MCF2: variants seen among roughly 807,000 people sequenced by gnomAD.
MCF2 encodes proto-oncogene DBL.
A neutral mutation model predicts 82.5 loss-of-function variants in MCF2; 44 were observed. That is an observed-to-expected ratio of 0.53 (90% CI 0.42 to 0.69). The LOEUF (loss-of-function observed/expected upper bound fraction) is 0.69, where lower values mean the gene tolerates loss of function less well. Ranked by LOEUF, MCF2 falls within the 30% of genes least tolerant of loss-of-function variation. The pLI is 0.00. For missense variants in MCF2, 623 were observed against 663.1 expected (o/e 0.94, Z 0.66); for synonymous variants, 217 against 224.9 (o/e 0.96, Z 0.32).
intron 22 of MCF2, among the ~76,000 whole-genome samples, chrX:139,587,429 T>A (rs1278475431): frequency 9.0e-6 from 1 of 111,565 alleles, no homozygotes; most frequent in African/African-American, 3.3e-5. Flanking sequence ...AAAAAGCTTA[T>A]GAGCACAGCC....
intron 1 of MCF2, among the ~76,000 whole-genome samples, chrX:139,665,364 C>G (rs772361129): frequency 3.6e-5 from 4 of 111,955 alleles, no homozygotes; most frequent in African/African-American, 1.3e-4. Flanking sequence ...GGGTTATTCC[C>G]CTCTGGCTGA....
At chrX:139,609,390 GT>G (rs1163840048) in intron 11 of MCF2, among the ~76,000 whole-genome samples, 1 of 111,124 alleles carries the variant, frequency 9.0e-6, no homozygotes, top group Non-Finnish European at 1.9e-5. Context: ...CAAAAAAAGT[GT>G]TAAAAATATT....
intron 23 of MCF2, among the ~76,000 whole-genome samples, chrX:139,586,121 G>A (rs1423729460): frequency 1.8e-5 from 2 of 111,615 alleles, no homozygotes; most frequent in Non-Finnish European, 3.8e-5. Context: ...GGTCTGAATA[G>A]AGCAAGAGAA....
At chrX:139,584,746 CT>C (rs916360385) in intron 24 of MCF2, among the ~76,000 whole-genome samples, 6 of 111,668 alleles carry the variant, frequency 5.4e-5, no homozygotes, top group Non-Finnish European at 1.1e-4. Context: ...CCTTTGTTCT[CT>C]GATTTTATTT....
chrX:139,643,334 G>A (rs1350065343), upstream of MCF2, among the ~76,000 whole-genome samples: 2 of 111,579 alleles, frequency 1.8e-5, no homozygotes, highest in African/African-American at 6.5e-5. Flanking sequence ...ATTATACCTA[G>A]CTACACAATG....
At chrX:139,635,742 A>G (rs1365647509) in intron 1 of MCF2, among the ~76,000 whole-genome samples, 1 of 111,735 alleles carries the variant, frequency 8.9e-6, no homozygotes, top group East Asian at 2.8e-4. Flanking sequence ...TTTTTATTTT[A>G]GGTTTGGGGG....
intron 1 of MCF2, among the ~76,000 whole-genome samples, chrX:139,698,613 G>T (rs764095297): frequency 5.0e-4 from 56 of 111,900 alleles, no homozygotes; most frequent in South Asian, 1.1e-3. Context: ...TACCAGACTG[G>T]TTATATAGGT....
In MCF2 at chrX:139,588,844, C is replaced by A. The variant is rs952071674; in HGVS notation, c.2371-406G>T. ...ACTTGAGAGGGTGAGGTGGGAGAAT[C>A]GCTTGAGCCTGGGAGGCAGAGGTTG... On this transcript the variant is annotated intron_variant, in intron 20 of 24. Transcript: ENST00000370576. 2.8e-5 allele frequency among the ~76,000 whole-genome samples: 3 copies of A among 108,550 alleles called. No homozygotes were observed. The East Asian group carries it at 8.7e-4, about 32-fold the overall frequency. The allele number at this position is 108,550 out of a possible 115,157, so 94.3% of individuals were successfully genotyped here.
chrX:139,597,370 T>C, intron 18 of MCF2, 90 bp downstream of exon 22: 2 of 667,858 alleles, frequency 3.0e-6, no homozygotes, highest in Non-Finnish European at 4.7e-6. Flanking sequence ...CTGATTCTTA[T>C]ACGTTATTTC....
At chrX:139,597,547 A>T (rs774599165) in exon 18 of MCF2, 1 of 1,173,503 alleles carries the variant, frequency 8.5e-7, no homozygotes, top group Non-Finnish European at 1.2e-6. Context: ...TCTTCAACAG[A>T]GCAGATCCTT....
intron 11 of MCF2, among the ~76,000 whole-genome samples, chrX:139,609,532 G>C (rs1277739328): frequency 9.1e-6 from 1 of 110,327 alleles, no homozygotes; most frequent in African/African-American, 3.3e-5. Context: ...CTAGGCAACA[G>C]AGCGAGACCC....
chrX:139,586,514 T>C (rs1402547418), intron 22 of MCF2, 27 bp from the exon 27 acceptor site: 1 of 1,016,618 alleles, frequency 9.8e-7, no homozygotes, highest in East Asian at 3.0e-5. Context: ...TAAAACTAAG[T>C]GAGCTTTTGT....
chrX:139,594,306 C>T (rs932411694), intron 19 of MCF2, among the ~76,000 whole-genome samples: 13 of 111,184 alleles, frequency 1.2e-4, no homozygotes, highest in South Asian at 1.1e-3. Flanking sequence ...GGAGGCATCA[C>T]GCTACCTGAC....
At chrX:139,706,584 T>TA (rs113429504) in intron 1 of MCF2, among the ~76,000 whole-genome samples, 54 of 98,922 alleles carry the variant, frequency 5.5e-4, no homozygotes, top group South Asian at 9.1e-4. Flanking sequence ...GTGGGGAGGA[T>TA]AAAAAAAAAA....
intron 1 of MCF2, chrX:139,692,230 C>T: frequency 1.6e-6 from 1 of 630,766 alleles, no homozygotes; most frequent in Non-Finnish European, 2.4e-6. Flanking sequence ...CCAGCAGCTG[C>T]CCAGCTCTGA....
intron 1 of MCF2, among the ~76,000 whole-genome samples, chrX:139,655,524 T>A (rs997331053): frequency 7.1e-4 from 79 of 111,752 alleles, no homozygotes; most frequent in African/African-American, 2.2e-3. Context: ...AAGAGTTTTT[T>A]ATTATTATTA....
chrX:139,596,122 T>G (rs1930070738), intron 19 of MCF2, among the ~76,000 whole-genome samples: 1 of 111,091 alleles, frequency 9.0e-6, no homozygotes, highest in African/African-American at 3.3e-5. Flanking sequence ...GTTACCCATT[T>G]TTAAATTGCA....
At chrX:139,643,479 A>T (rs1193358518), upstream of MCF2, among the ~76,000 whole-genome samples, 1 of 111,908 alleles carries the variant, frequency 8.9e-6, no homozygotes, top group Non-Finnish European at 1.9e-5. Context: ...GCTCTTGAGT[A>T]TGAGTATAGA....
At chrX:139,690,710 C>A (rs1402025570) in intron 1 of MCF2, among the ~76,000 whole-genome samples, 1 of 111,690 alleles carries the variant, frequency 9.0e-6, no homozygotes, top group Non-Finnish European at 1.9e-5. Context: ...ATATTTGGAA[C>A]ATGTGTTGTG....
Sources: allele counts gnomAD v4.1 joint callset (sites outside exome capture counted in the v4.1 genomes callset), GRCh38; gene constraint gnomAD v4.1.1; transcripts MANE v1.5; gene names NCBI Gene and HGNC (gene_info 2026-07-23, HGNC 2026-07-21).